The following SLC7A1 variants were observed in gnomAD, a reference collection of about 807,000 sequenced individuals.
SLC7A1 encodes high affinity cationic amino acid transporter 1.
SLC7A1 carries 10 observed loss-of-function variants against 53.9 expected under a neutral mutation model. That is an observed-to-expected ratio of 0.19 (90% CI 0.11 to 0.31). The LOEUF is 0.31. SLC7A1 is among the 10% of genes least tolerant of loss of function. The pLI, the probability that SLC7A1 is intolerant of heterozygous loss-of-function variation, is 1.00. For synonymous variants in SLC7A1, 342 were observed against 338.7 expected (o/e 1.01, Z -0.11); for missense variants, 525 against 827.2 (o/e 0.63, Z 4.48).
intron 1 of SLC7A1, among the ~76,000 whole-genome samples, chr13:29,559,880 T>A (rs1444786616): frequency 6.6e-6 from 1 of 152,076 alleles, no homozygotes; most frequent in Non-Finnish European, 1.5e-5. Flanking sequence ...CGCGCCCGGA[T>A]AATTTTTTGT....
At chr13:29,524,426 T>A (rs1437976686) in intron 5 of SLC7A1, among the ~76,000 whole-genome samples, 173 bp from the exon 6 acceptor site, 1 of 152,240 alleles carries the variant, frequency 6.6e-6, no homozygotes, top group African/African-American at 2.4e-5. Flanking sequence ...ACTCCGTGTG[T>A]GCAGGCCTCC....
At position 29,565,841 on chromosome 13, in the gene SLC7A1, A is replaced by T. The variant is rs148683040; in HGVS notation, c.-114-11981T>A. ...CGGGCAGCCTCTTCAAGTTATCCCCATCCTGCTCCTCTTATCCAAAGCTTC... is the reference window on the plus strand; with the variant it reads ...CGGGCAGCCTCTTCAAGTTATCCCCTTCCTGCTCCTCTTATCCAAAGCTTC... On this transcript the variant is annotated intron_variant, in intron 1 of 12. Coordinates refer to ENST00000380752, the MANE Select transcript of SLC7A1 (RefSeq NM_003045.5). 2.8e-3 allele frequency among the ~76,000 whole-genome samples: 421 copies of T among 152,180 alleles called. 1 individual carries two copies. Among genetic ancestry groups the T allele is most frequent in the African/African-American group, 9.7e-3 (402 of 41,524 alleles).
intron 1 of SLC7A1, among the ~76,000 whole-genome samples, chr13:29,593,107 C>T (rs1413943944): frequency 1.3e-5 from 2 of 152,198 alleles, no homozygotes; most frequent in Non-Finnish European, 2.9e-5. Flanking sequence ...CAAGAAGATA[C>T]ATCTTCCAGC....
chr13:29,553,999 G>C (rs1441650056), intron 1 of SLC7A1, 139 bp from the exon 2 acceptor site: 3 of 152,154 alleles, frequency 2.0e-5, no homozygotes, highest in Non-Finnish European at 4.4e-5. Flanking sequence ...ACTGAAGACA[G>C]GGTTGACGGC....
At chr13:29,522,536 A>G in intron 7 of SLC7A1, 80 bp from the exon 8 acceptor site, 2 of 1,514,458 alleles carry the variant, frequency 1.3e-6, no homozygotes, top group South Asian at 1.2e-5. Flanking sequence ...TGCTCGGTTT[A>G]CCACGGAGGA....
In SLC7A1 at chr13:29,514,545, C is replaced by T. The variant is rs1445256883; in HGVS notation, c.1825G>A (p.Glu609Lys). The change falls in exon 13 of 13, where the codon GAG (glutamate) becomes AAG (lysine). Residue 609 changes from glutamate (E) to lysine (K), a missense_variant. By Grantham distance (56) the Glu-to-Lys change is moderately conservative. This residue lies in a region of SLC7A1 where 41 missense variants were observed against 61.3 expected (regional missense o/e 0.67). Coordinates refer to ENST00000380752, the MANE Select transcript of SLC7A1 (RefSeq NM_003045.5). ...IYFGYGLWHS[E>K]EASLDADQAR... ...TGGTCGGCATCCAGGGACGCCTCCT[C>T]GCTGTGCCACAGGCCATAGCCAAAG... The T allele has an allele frequency of 3.7e-6, 6 of 1,611,050 alleles. No homozygotes were observed. The East Asian group carries it at 6.7e-5, about 18-fold the overall frequency.
chr13:29,550,976 C>G (rs1870154031), intron 2 of SLC7A1, among the ~76,000 whole-genome samples: 1 of 152,190 alleles, frequency 6.6e-6, no homozygotes, highest in South Asian at 2.1e-4. Context: ...TGGGGATAAC[C>G]ACAACTTCGC....
chr13:29,523,662 G>A (rs1314820186), intron 6 of SLC7A1, among the ~76,000 whole-genome samples, 174 bp from the exon 7 acceptor site: 2 of 152,212 alleles, frequency 1.3e-5, no homozygotes, highest in Non-Finnish European at 2.9e-5. Context: ...GAGCAGAGGG[G>A]TGGTGCTCAG....
intron 1 of SLC7A1, among the ~76,000 whole-genome samples, chr13:29,560,054 T>C (rs1225649036): frequency 6.6e-6 from 1 of 152,190 alleles, no homozygotes; most frequent in African/African-American, 2.4e-5. Context: ...ATAACACAGC[T>C]TAAAACACAA....
intron 3 of SLC7A1, among the ~76,000 whole-genome samples, chr13:29,533,895 A>G (rs1337983858): frequency 6.6e-6 from 1 of 152,178 alleles, no homozygotes; most frequent in Non-Finnish European, 1.5e-5. Context: ...GTCGGTGACC[A>G]TGGTCCTAAT....
chr13:29,570,415 T>C (rs1439946094), intron 1 of SLC7A1, among the ~76,000 whole-genome samples: 2 of 152,244 alleles, frequency 1.3e-5, no homozygotes, highest in Admixed American at 1.3e-4. Flanking sequence ...GCTATGTTGC[T>C]GTTTCAGTTC....
intron 1 of SLC7A1, among the ~76,000 whole-genome samples, chr13:29,590,292 G>A (rs750765038): frequency 1.3e-5 from 2 of 152,184 alleles, no homozygotes; most frequent in African/African-American, 2.4e-5. Context: ...AAAACCCAAG[G>A]GCTTCGGAGT....
intron 1 of SLC7A1, among the ~76,000 whole-genome samples, chr13:29,591,757 C>A (rs752155653): frequency 2.6e-5 from 4 of 152,216 alleles, no homozygotes; most frequent in Admixed American, 1.3e-4. Context: ...CAGACATAGT[C>A]CTACCAGAAG....
At chr13:29,530,507 C>T in intron 5 of SLC7A1, 31 bp downstream of exon 5, 1 of 1,606,192 alleles carries the variant, frequency 6.2e-7, no homozygotes. Context: ...TAAATGTCAA[C>T]TAAGAAAAAT....
chr13:29,535,173 T>G (rs1016484386), intron 3 of SLC7A1, among the ~76,000 whole-genome samples: 1 of 152,170 alleles, frequency 6.6e-6, no homozygotes, highest in African/African-American at 2.4e-5. Flanking sequence ...CATAAAGTAA[T>G]TAACTGTTAA....
At chr13:29,592,887 G>A (rs1052747281) in intron 1 of SLC7A1, among the ~76,000 whole-genome samples, 4 of 152,066 alleles carry the variant, frequency 2.6e-5, no homozygotes, top group Admixed American at 2.6e-4. Context: ...CATGTATGGA[G>A]GGTCTCCATC....
chr13:29,534,734 A>G (rs763569965), intron 3 of SLC7A1, among the ~76,000 whole-genome samples: 1 of 152,158 alleles, frequency 6.6e-6, no homozygotes, highest in Non-Finnish European at 1.5e-5. Flanking sequence ...CTGACACAGA[A>G]GCAAGGCGGA....
chr13:29,576,295 A>ATTT (rs1871409845), intron 1 of SLC7A1, among the ~76,000 whole-genome samples: 1 of 147,216 alleles, frequency 6.8e-6, no homozygotes, highest in African/African-American at 2.7e-5. Context: ...CTGTTTTTTA[A>ATTT]AAAAAAAAAA....
chr13:29,573,504 T>C (rs992954926), intron 1 of SLC7A1, among the ~76,000 whole-genome samples: 2 of 152,092 alleles, frequency 1.3e-5, no homozygotes, highest in Non-Finnish European at 2.9e-5. Flanking sequence ...AGCCAGAGAG[T>C]GTCTGACTCT....
Sources: allele counts gnomAD v4.1 joint callset (sites outside exome capture counted in the v4.1 genomes callset), GRCh38; gene constraint gnomAD v4.1.1; regional missense constraint gnomAD v4.1.1; transcripts MANE v1.5; gene names NCBI Gene and HGNC (gene_info 2026-07-23, HGNC 2026-07-21).